CREB3L2: variants seen among roughly 807,000 people sequenced by gnomAD.
CREB3L2 encodes the protein cAMP responsive element binding protein 3 like 2.
A neutral mutation model predicts 57.2 loss-of-function variants in CREB3L2; 23 were observed. The observed-to-expected ratio is 0.40, with a 90% confidence interval of 0.29 to 0.57. The LOEUF is 0.57. Among genes scored for constraint, CREB3L2 ranks in the 20% least tolerant of loss-of-function variants. CREB3L2 has a pLI of 0.42. For synonymous variants in CREB3L2, 268 were observed against 265.1 expected (o/e 1.01, Z -0.11); for missense variants, 628 against 634.7 (o/e 0.99, Z 0.11).
At chr7:137,986,766 C>CTGTA (rs1399630133) in intron 1 of CREB3L2, among the ~76,000 whole-genome samples, 27 of 152,232 alleles carry the variant, frequency 1.8e-4, no homozygotes, top group Non-Finnish European at 2.1e-4. Context: ...TCCTAGAAGT[C>CTGTA]TGTATTTCAG....
chr7:137,884,382 G>A (rs1001565898), intron 10 of CREB3L2: 55 of 155,142 alleles, frequency 3.5e-4, no homozygotes, highest in South Asian at 1.6e-3. Context: ...CAGTAGCTGG[G>A]ACTACAGGTA....
At chr7:137,998,822 G>A (rs1411069827) in intron 1 of CREB3L2, among the ~76,000 whole-genome samples, 1 of 152,180 alleles carries the variant, frequency 6.6e-6, no homozygotes, top group African/African-American at 2.4e-5. Context: ...TTTTCAAGAT[G>A]GTGACAGCAC....
chr7:137,972,699 A>T (rs1455395703), intron 1 of CREB3L2, among the ~76,000 whole-genome samples: 1 of 41,108 alleles, frequency 2.4e-5, no homozygotes, highest in Non-Finnish European at 4.0e-5. Context: ...AAAAAAAAAA[A>T]AAAAAAAAAA....
intron 11 of CREB3L2, among the ~76,000 whole-genome samples, chr7:137,881,571 A>C (rs1357075314): frequency 6.6e-6 from 1 of 152,194 alleles, no homozygotes; most frequent in African/African-American, 2.4e-5. Context: ...ACATAAAAGT[A>C]CTTCATTATA....
chr7:137,943,859 G>A (rs1800919019), intron 1 of CREB3L2, among the ~76,000 whole-genome samples: 1 of 152,154 alleles, frequency 6.6e-6, no homozygotes, highest in Non-Finnish European at 1.5e-5. Context: ...ATGCCGCCAT[G>A]TATTTCCAAA....
intron 3 of CREB3L2, among the ~76,000 whole-genome samples, chr7:137,914,429 C>T (rs1444538349): frequency 1.3e-5 from 2 of 152,110 alleles, no homozygotes; most frequent in African/African-American, 4.8e-5. Context: ...GTCAGGAGTT[C>T]GAGACCAGCG....
chr7:137,987,855 CT>C (rs896816364), intron 1 of CREB3L2, among the ~76,000 whole-genome samples: 1 of 152,118 alleles, frequency 6.6e-6, no homozygotes, highest in Non-Finnish European at 1.5e-5. Context: ...CTTTCTCTAC[CT>C]TTTTTAAAAG....
chr7:137,972,091 C>T (rs997564570), intron 1 of CREB3L2, among the ~76,000 whole-genome samples: 3 of 152,016 alleles, frequency 2.0e-5, no homozygotes, highest in Non-Finnish European at 4.4e-5. Context: ...GAGAAATTAA[C>T]AGCAGTTTCG....
intron 1 of CREB3L2, 132 bp from the exon 2 acceptor site, chr7:137,928,498 C>T (rs994591707): frequency 2.8e-5 from 19 of 680,286 alleles, no homozygotes; most frequent in Non-Finnish European, 4.1e-5. Flanking sequence ...CCAGTTAGCT[C>T]GTGCTGTGTA....
At chr7:137,984,383 T>C (rs541063424) in intron 1 of CREB3L2, among the ~76,000 whole-genome samples, 37 of 152,302 alleles carry the variant, frequency 2.4e-4, no homozygotes, top group Admixed American at 6.5e-4. Context: ...TGTCCTAATA[T>C]AGGTACTACC....
Position 137,920,743 on chromosome 7 carries a change from C to T in CREB3L2, c.320-4731G>A, listed in dbSNP as rs763422603. ...GACCTACTAGTTACATCACAAAATA[C>T]GAAATGACTTCATATGAAGAAAGTC... is the stretch of plus-strand genomic sequence containing the variant. On this transcript the variant is annotated intron_variant, in intron 2 of 11. Coordinates refer to ENST00000330387, the MANE Select transcript of CREB3L2 (RefSeq NM_194071.4). Among the ~76,000 whole-genome samples the T allele has an allele frequency of 3.9e-5, 6 of 152,240 alleles. No individual in the cohort carries two copies. In the South Asian group the frequency reaches 8.3e-4, roughly 21 times the overall value.
intron 1 of CREB3L2, among the ~76,000 whole-genome samples, chr7:137,937,378 G>C (rs1372246918): frequency 6.6e-6 from 1 of 152,176 alleles, no homozygotes; most frequent in East Asian, 1.9e-4. Context: ...GCTGCCCTGG[G>C]CTCCTGGCAT....
At chr7:137,914,217 G>A (rs1029326957) in intron 3 of CREB3L2, among the ~76,000 whole-genome samples, 8 of 151,378 alleles carry the variant, frequency 5.3e-5, no homozygotes, top group African/African-American at 1.9e-4. Context: ...TTATTATTAA[G>A]GCTTCCTAAT....
chr7:137,901,888 A>G (rs1468750292), intron 7 of CREB3L2, among the ~76,000 whole-genome samples: 1 of 149,026 alleles, frequency 6.7e-6, no homozygotes. Context: ...AAAAAAAAAA[A>G]AAAAGAAAAA....
chr7:137,943,519 C>T (rs1239562394), intron 1 of CREB3L2, among the ~76,000 whole-genome samples: 5 of 152,166 alleles, frequency 3.3e-5, no homozygotes, highest in Admixed American at 3.3e-4. Flanking sequence ...AACTACTGTA[C>T]TACTTTCTCC....
intron 1 of CREB3L2, among the ~76,000 whole-genome samples, chr7:137,974,548 C>G (rs1339171864): frequency 6.6e-6 from 1 of 152,138 alleles, no homozygotes; most frequent in Non-Finnish European, 1.5e-5. Context: ...TTCTCTTAAA[C>G]TTGGGGATGA....
chr7:137,895,164 T>A (rs1799602377), intron 8 of CREB3L2, among the ~76,000 whole-genome samples: 1 of 152,198 alleles, frequency 6.6e-6, no homozygotes, highest in South Asian at 2.1e-4. Flanking sequence ...GCAGTGTATG[T>A]GCATCACTCA....
chr7:137,932,134 T>G (rs2117246772), intron 1 of CREB3L2, among the ~76,000 whole-genome samples: 1 of 152,334 alleles, frequency 6.6e-6, no homozygotes, highest in Non-Finnish European at 1.5e-5. Flanking sequence ...ATATTTCCTC[T>G]GCAATTTTCT....
rs974853931 is a variant in CREB3L2, at chr7:137,956,627, C to T, written c.103-28261G>A. 23 of 1,289,092 alleles carry T rather than the reference C, an allele frequency of 1.8e-5. No individual in the cohort carries two copies. In the African/African-American group the frequency reaches 2.9e-4, roughly 16 times the overall value. The allele number at this position is 1,289,092 out of a possible 1,614,324, so 79.9% of individuals were successfully genotyped here. On this transcript the variant is annotated intron_variant, in intron 1 of 11. Transcript: ENST00000330387. ...ACGGACAGCCATGCCGAATATTTCT[C>T]GAGAAGCCAGCAGCCCAGGTAAGCC...
Sources: gnomAD v4.1 joint callset for allele counts (sites outside exome capture counted in the v4.1 genomes callset) on GRCh38, gnomAD v4.1.1 for gene constraint, MANE v1.5 for transcripts, NCBI Gene and HGNC (gene_info 2026-07-23, HGNC 2026-07-21) for gene names.